The following DTNA variants were observed in gnomAD, a reference collection of about 807,000 sequenced individuals.
DTNA encodes the protein dystrophin-related protein 3.
Under a neutral mutation model 100.7 loss-of-function variants are expected in DTNA, and 43 were observed. The ratio of observed to expected loss-of-function variants is 0.43; its 90% CI spans 0.33 to 0.55. DTNA has a LOEUF of 0.55. DTNA is among the 20% of genes least tolerant of loss of function. DTNA has a pLI of 0.04. For synonymous variants in DTNA, 349 were observed against 347.9 expected (o/e 1.00, Z -0.04); for missense variants, 798 against 953.9 (o/e 0.84, Z 2.15).
At chr18:34,536,187 TTG>T (rs1441073709) in intron 1 of DTNA, among the ~76,000 whole-genome samples, 3 of 152,032 alleles carry the variant, frequency 2.0e-5, no homozygotes, top group Non-Finnish European at 4.4e-5. Flanking sequence ...TGCTTGTAAT[TTG>T]TAAAATAATT....
chr18:34,708,554 T>TCTGA (rs1328914903), upstream of DTNA, among the ~76,000 whole-genome samples: 1 of 152,200 alleles, frequency 6.6e-6, no homozygotes, highest in Non-Finnish European at 1.5e-5. Flanking sequence ...TGCTTAACCT[T>TCTGA]CTGACTGATC....
intron 1 of DTNA, among the ~76,000 whole-genome samples, chr18:34,684,080 G>A (rs1406869334): frequency 3.3e-5 from 5 of 152,098 alleles, no homozygotes; most frequent in Admixed American, 6.6e-5. Flanking sequence ...TTAATGTCAC[G>A]TTGGGAGAGA....
At chr18:34,635,048 C>T (rs937553211) in intron 1 of DTNA, among the ~76,000 whole-genome samples, 4 of 152,138 alleles carry the variant, frequency 2.6e-5, no homozygotes, top group Admixed American at 6.5e-5. Flanking sequence ...CTAACCTCTG[C>T]TAACCACCAT....
At chr18:34,761,175 C>G (rs2093143622) in intron 2 of DTNA, among the ~76,000 whole-genome samples, 1 of 150,468 alleles carries the variant, frequency 6.6e-6, no homozygotes, top group African/African-American at 2.5e-5. Context: ...CACACAGAGC[C>G]AATGATAAAG....
intron 17 of DTNA, chr18:34,867,201 A>G (rs1311411173): frequency 1.6e-6 from 2 of 1,231,180 alleles, no homozygotes; most frequent in East Asian, 3.2e-5. Context: ...TCTATTATTC[A>G]TTATGTGTGT....
chr18:34,503,137 G>A (rs2040107970), intron 1 of DTNA, among the ~76,000 whole-genome samples: 1 of 151,862 alleles, frequency 6.6e-6, no homozygotes, highest in African/African-American at 2.4e-5. Context: ...TTGCTCTGAA[G>A]ACTACTTTGT....
At chr18:34,494,820 T>A (rs933647163) in intron 1 of DTNA, among the ~76,000 whole-genome samples, 8 of 152,208 alleles carry the variant, frequency 5.3e-5, no homozygotes, top group African/African-American at 1.7e-4. Context: ...TGTGTTTGTA[T>A]TTCCTTTTGA....
chr18:34,497,235 C>T (rs1389462486), intron 1 of DTNA, among the ~76,000 whole-genome samples: 2 of 152,170 alleles, frequency 1.3e-5, no homozygotes, highest in Non-Finnish European at 2.9e-5. Flanking sequence ...ATTTATCACA[C>T]AGTCCCTGAG....
At chr18:34,501,503 C>T (rs1480970928) in intron 1 of DTNA, among the ~76,000 whole-genome samples, 2 of 152,096 alleles carry the variant, frequency 1.3e-5, no homozygotes, top group Admixed American at 1.3e-4. Context: ...GTTCCCTCTT[C>T]TATTTTCTGA....
intron 1 of DTNA, among the ~76,000 whole-genome samples, chr18:34,688,335 T>C (rs1350486718): frequency 3.3e-5 from 5 of 152,350 alleles, no homozygotes; most frequent in African/African-American, 1.2e-4. Context: ...AAGGCAGGCC[T>C]GATGGTGACA....
intron 3 of DTNA, among the ~76,000 whole-genome samples, chr18:34,768,311 C>CAAA (rs75307878): frequency 4.6e-5 from 7 of 151,182 alleles, no homozygotes; most frequent in African/African-American, 9.7e-5. Context: ...AACGCCCCCC[C>CAAA]AAAAAAAGCA....
At chr18:34,789,200 GT>G (rs1250954022) in intron 3 of DTNA, among the ~76,000 whole-genome samples, 1 of 152,120 alleles carries the variant, frequency 6.6e-6, no homozygotes, top group African/African-American at 2.4e-5. Context: ...CGTGACTGCA[GT>G]TTTTTCTGCA....
Position 34,877,817 on chromosome 18 carries a change from C to T in DTNA, c.1993+9C>T, listed in dbSNP as rs573243965. The T allele has an allele frequency of 6.8e-6, 11 of 1,610,966 alleles. No homozygotes were observed. Among genetic ancestry groups the T allele is most frequent in the Non-Finnish European group, 8.5e-6 (10 of 1,177,400 alleles). On this transcript the variant is annotated intron_variant, in intron 19 of 22. Transcript: ENST00000444659. Reference sequence around the variant, plus strand: ...GAAAGAGCTGAATTCTGGTGAGTTCCTGATTCCCTCTCATTTGTCTGCTCA... The same window carrying T: ...GAAAGAGCTGAATTCTGGTGAGTTCTTGATTCCCTCTCATTTGTCTGCTCA...
At chr18:34,810,352 A>C (rs555518467) in intron 5 of DTNA, among the ~76,000 whole-genome samples, 1 of 152,264 alleles carries the variant, frequency 6.6e-6, no homozygotes, top group South Asian at 2.1e-4. Flanking sequence ...CAATTCAGCC[A>C]TAAAAAAGAA....
intron 9 of DTNA, among the ~76,000 whole-genome samples, chr18:34,827,383 C>T (rs2095882643): frequency 1.3e-5 from 2 of 152,130 alleles, no homozygotes; most frequent in Admixed American, 1.3e-4. Context: ...AGATCTTCCT[C>T]CCAGTGTTTA....
chr18:34,704,096 A>G (rs990185467), intron 1 of DTNA, among the ~76,000 whole-genome samples: 1 of 152,256 alleles, frequency 6.6e-6, no homozygotes. Context: ...TCATAATGTC[A>G]TCAATAATTA....
intron 13 of DTNA, among the ~76,000 whole-genome samples, chr18:34,839,059 C>G (rs543635217): frequency 2.3e-4 from 35 of 152,274 alleles, no homozygotes; most frequent in African/African-American, 8.4e-4. Context: ...AAAACGAAAA[C>G]TTGCATAAAG....
At chr18:34,622,343 G>A (rs867227579) in intron 1 of DTNA, among the ~76,000 whole-genome samples, 1 of 152,186 alleles carries the variant, frequency 6.6e-6, no homozygotes, top group African/African-American at 2.4e-5. Flanking sequence ...TTTTAAACTA[G>A]TGTGATTTAC....
chr18:34,503,179 T>C (rs2040113008), intron 1 of DTNA, among the ~76,000 whole-genome samples: 1 of 152,096 alleles, frequency 6.6e-6, no homozygotes, highest in Admixed American at 6.5e-5. Flanking sequence ...ATTTTTCTTT[T>C]AATGGGTGTT....
Sources: gnomAD v4.1 joint callset for allele counts (sites outside exome capture counted in the v4.1 genomes callset) on GRCh38, gnomAD v4.1.1 for gene constraint, MANE v1.5 for transcripts, NCBI Gene and HGNC (gene_info 2026-07-23, HGNC 2026-07-21) for gene names.